Variants in GYG1 observed in about 807,000 individuals in gnomAD.
GYG1 encodes glycogenin-1.
In GYG1, 44 loss-of-function variants were observed where a neutral mutation model predicts 41.9. The observed-to-expected ratio is 1.05, with a 90% CI of 0.83 to 1.35. The LOEUF is 1.35. Among genes scored for constraint, GYG1 ranks in the 40% most tolerant of loss-of-function variants. GYG1 has a pLI of 0.00. For missense variants in GYG1, 429 were observed against 418.9 expected (o/e 1.02, Z -0.21); for synonymous variants, 141 against 158.1 (o/e 0.89, Z 0.81).
chr3:149,018,079 C>T (rs1044547644), intron 5 of GYG1, among the ~76,000 whole-genome samples: 10 of 152,022 alleles, frequency 6.6e-5, no homozygotes, highest in Non-Finnish European at 1.3e-4. Flanking sequence ...TTACTTATGA[C>T]GTTTGCCCTT....
Position 149,029,179 on chromosome 3 carries a change from T to G in GYG1, c.*2246T>G, listed in dbSNP as rs1576559067. Reference sequence around the variant, plus strand: ...TCCTTCTATGATCTATGTCTTAAGGTGAAGTATTAACTAACTTTTCCATGT... The same window carrying G: ...TCCTTCTATGATCTATGTCTTAAGGGGAAGTATTAACTAACTTTTCCATGT... On this transcript the variant is annotated 3_prime_UTR_variant, in exon 8 of 8. Coordinates refer to ENST00000345003, the MANE Select transcript of GYG1 (RefSeq NM_004130.4). Among the ~76,000 whole-genome samples the G allele has an allele frequency of 6.6e-6, 1 of 152,208 alleles. No homozygotes were observed. The highest frequency in any genetic ancestry group is 1.9e-4 in the East Asian group (1 of 5,202).
intron 5 of GYG1, among the ~76,000 whole-genome samples, chr3:149,021,760 A>T (rs1714383719): frequency 6.6e-6 from 1 of 151,064 alleles, no homozygotes; most frequent in African/African-American, 2.4e-5. Context: ...ACCAGTTCCT[A>T]ACTTTTTTTT....
intron 7 of GYG1, 110 bp downstream of exon 7, chr3:149,026,612 GT>G (rs1437609499): frequency 9.9e-7 from 1 of 1,007,738 alleles, no homozygotes; most frequent in Non-Finnish European, 1.6e-6. Context: ...ATATTTTTGT[GT>G]CTTTTTTGTT....
chr3:149,020,573 T>G (rs1714314202), intron 5 of GYG1, among the ~76,000 whole-genome samples: 2 of 152,238 alleles, frequency 1.3e-5, no homozygotes, highest in South Asian at 4.1e-4. Context: ...CACTAACCAA[T>G]GCCTGCGACA....
intron 5 of GYG1, among the ~76,000 whole-genome samples, chr3:149,013,032 T>TGTGTGTGTG (rs61477065): frequency 6.6e-5 from 10 of 150,820 alleles, no homozygotes; most frequent in South Asian, 2.1e-4. Context: ...TGTGTGTGTG[T>TGTGTGTGTG]TTTATAGAGA....
In GYG1 at chr3:149,027,102, T is replaced by C. The variant is rs771713792; in HGVS notation, c.*169T>C. ...AGAGGTGAGAACTGGGCAAAAGTTGTGAAGCAGCAATTCTGTTATATGGAC... is the reference window on the plus strand; with the variant it reads ...AGAGGTGAGAACTGGGCAAAAGTTGCGAAGCAGCAATTCTGTTATATGGAC... On this transcript the variant is annotated 3_prime_UTR_variant, in exon 8 of 8. Transcript: ENST00000345003. 43 of 646,272 alleles carry C rather than the reference T, an allele frequency of 6.7e-5. No individual in the cohort carries two copies. Among genetic ancestry groups the C allele is most frequent in the Non-Finnish European group, 1.0e-4 (38 of 367,796 alleles). 40.0% of individuals were successfully genotyped at this position (646,272 alleles called of 1,614,324 possible).
At chr3:149,020,103 C>A (rs927189846) in intron 5 of GYG1, among the ~76,000 whole-genome samples, 3 of 152,212 alleles carry the variant, frequency 2.0e-5, no homozygotes, top group Non-Finnish European at 4.4e-5. Flanking sequence ...ATCTTAAGCA[C>A]CACCCATTTC....
intron 5 of GYG1, among the ~76,000 whole-genome samples, chr3:149,013,644 T>G (rs1713860788): frequency 6.6e-6 from 1 of 152,206 alleles, no homozygotes; most frequent in Non-Finnish European, 1.5e-5. Context: ...ATATTAATAT[T>G]TCTTTCTTTT....
At chr3:149,005,903 A>G (rs1354862453) in intron 4 of GYG1, among the ~76,000 whole-genome samples, 2 of 152,240 alleles carry the variant, frequency 1.3e-5, no homozygotes, top group East Asian at 3.9e-4. Context: ...CATTGGACCA[A>G]TCCACCAACC....
At chr3:149,011,705 C>G (rs1713737943) in intron 5 of GYG1, among the ~76,000 whole-genome samples, 1 of 152,138 alleles carries the variant, frequency 6.6e-6, no homozygotes, top group Non-Finnish European at 1.5e-5. Context: ...AAATGAATTG[C>G]CCCCAAAAAA....
intron 4 of GYG1, among the ~76,000 whole-genome samples, chr3:149,007,317 A>T (rs1018836513): frequency 2.0e-5 from 3 of 152,202 alleles, no homozygotes; most frequent in African/African-American, 7.2e-5. Flanking sequence ...GTATCTAAAC[A>T]TTGAGTCCAT....
At chr3:148,991,686 C>A in intron 1 of GYG1, 39 bp downstream of exon 1, 1 of 1,474,478 alleles carries the variant, frequency 6.8e-7, no homozygotes, top group Admixed American at 2.0e-5. Flanking sequence ...CCCCGGGACC[C>A]CGGCTTCCTG....
intron 4 of GYG1, among the ~76,000 whole-genome samples, chr3:148,997,826 A>G (rs1712895384): frequency 6.6e-6 from 1 of 152,266 alleles, no homozygotes; most frequent in Non-Finnish European, 1.5e-5. Flanking sequence ...TGTGCTATTC[A>G]CATGGGGTTG....
chr3:149,018,748 T>C lies in GYG1; in HGVS notation c.609-5305T>C, dbSNP rs548268900. Among the ~76,000 whole-genome samples, 3 of 152,138 alleles carry C rather than the reference T, an allele frequency of 2.0e-5. No individual in the cohort carries two copies. The South Asian group carries it at 6.2e-4, about 32-fold the overall frequency. On this transcript the variant is annotated intron_variant, in intron 5 of 7. Transcript: ENST00000345003. ...TACCACTATCCATTTCCATAGATAG[T>C]AGGTGTGTAACAGTTTGATTAAAGT...
chr3:148,991,721 C>G (rs1442608106), intron 1 of GYG1, 74 bp downstream of exon 1: 1 of 1,182,572 alleles, frequency 8.5e-7, no homozygotes, highest in African/African-American at 1.6e-5. Flanking sequence ...CCCTTCTCCT[C>G]CGCCCTCAGC....
At chr3:149,000,361 G>A (rs938572885) in intron 4 of GYG1, among the ~76,000 whole-genome samples, 1 of 152,078 alleles carries the variant, frequency 6.6e-6, no homozygotes, top group Admixed American at 6.5e-5. Context: ...CCGAAAAGTT[G>A]AACAATAGCT....
At chr3:149,015,884 C>T (rs1559841624) in intron 5 of GYG1, among the ~76,000 whole-genome samples, 1 of 152,020 alleles carries the variant, frequency 6.6e-6, no homozygotes, top group Non-Finnish European at 1.5e-5. Context: ...ATGCAGAAAA[C>T]TGTGGGGAGA....
chr3:149,021,353 C>T (rs78637445), intron 5 of GYG1, among the ~76,000 whole-genome samples: 9,043 of 152,180 alleles, frequency 0.059, 776 homozygotes, highest in African/African-American at 0.19. Context: ...TTAAATAGAG[C>T]AAGAGTGTTG....
chr3:148,994,387 G>T (rs747511308), intron 2 of GYG1, 110 bp downstream of exon 2: 33 of 1,203,982 alleles, frequency 2.7e-5, no homozygotes, highest in Non-Finnish European at 3.6e-5. Context: ...TGAGCACCGG[G>T]TAGAGAAAAA....
Sources: allele counts gnomAD v4.1 joint callset (sites outside exome capture counted in the v4.1 genomes callset), GRCh38; gene constraint gnomAD v4.1.1; transcripts MANE v1.5; gene names NCBI Gene and HGNC (gene_info 2026-07-23, HGNC 2026-07-21).